C1orf94: variants seen among roughly 807,000 people sequenced by gnomAD.
C1orf94 encodes chromosome 1 open reading frame 94, also known as uncharacterized protein C1orf94.
A neutral mutation model predicts 53.6 loss-of-function variants in C1orf94; 45 were observed. The observed-to-expected ratio is 0.84, with a 90% CI of 0.66 to 1.08. The LOEUF is 1.08. Ranked by LOEUF, C1orf94 falls within the 50% of genes least tolerant of loss-of-function variation. The probability of loss-of-function intolerance (pLI) is 0.00; values close to 1 mark genes in which losing one functional copy is unlikely to be tolerated. For missense variants in C1orf94, 762 were observed against 738.9 expected (o/e 1.03, Z -0.36); for synonymous variants, 304 against 296.1 (o/e 1.03, Z -0.27).
chr1:34,176,922 G>A lies in C1orf94; in HGVS notation c.-868G>A, dbSNP rs1477035421. Among the ~76,000 whole-genome samples the A allele has an allele frequency of 6.7e-6, 1 of 149,940 alleles. No individual in the cohort carries two copies. Among genetic ancestry groups the A allele is most frequent in the Non-Finnish European group, 1.5e-5 (1 of 67,364 alleles). On this transcript the variant is annotated 5_prime_UTR_variant, in exon 1 of 7. Coordinates refer to ENST00000488417, the MANE Select transcript of C1orf94 (RefSeq NM_001134734.2). ...AGGGCGCCCCGCGCACCGAGCCGTT[G>A]CGTTTGAAACCCACAGAAAGAATTC... is the stretch of plus-strand genomic sequence containing the variant.
chr1:34,197,463 C>T lies in C1orf94; in HGVS notation c.559C>T (p.Gln187Ter), dbSNP rs754696659. The change falls in exon 2 of 7, where the codon CAG (glutamine) becomes TAG (stop). Residue 187 changes from glutamine (Q) to a stop codon, truncating the protein, a stop_gained. Coordinates refer to ENST00000488417, the MANE Select transcript of C1orf94 (RefSeq NM_001134734.2). LOFTEE classifies it high-confidence loss of function. This position sits in a 1 kb window ranked among gnomAD's most constrained non-coding sequence, Gnocchi z 4.1. ...CATTGTCGGAGACAAGCTTCTGAAG[C>T]AGAAGGTGGCCATGCCCGTTATCAG... ...SIIVGDKLLK[Q>*]KVAMPVISSR... is the part of the protein sequence containing the mutation. The T allele has an allele frequency of 6.2e-7, 1 of 1,614,082 alleles. No individual in the cohort carries two copies. The highest frequency in any genetic ancestry group is 2.2e-5 in the East Asian group (1 of 44,864).
intron 2 of C1orf94, among the ~76,000 whole-genome samples, chr1:34,198,259 G>A (rs997824794): frequency 6.6e-6 from 1 of 152,232 alleles, no homozygotes; most frequent in African/African-American, 2.4e-5. Flanking sequence ...TGGGTTCAGG[G>A]TGAAACTACA....
intron 1 of C1orf94, among the ~76,000 whole-genome samples, chr1:34,184,238 C>A (rs1247661756): frequency 6.6e-6 from 1 of 152,166 alleles, no homozygotes; most frequent in East Asian, 1.9e-4. Context: ...TGTCCCCCAG[C>A]TAGGTCTTGA....
intron 6 of C1orf94, among the ~76,000 whole-genome samples, chr1:34,216,159 T>C (rs539111697): frequency 2.3e-4 from 35 of 152,108 alleles, no homozygotes; most frequent in African/African-American, 6.5e-4. Context: ...TATGGATAGG[T>C]AGGTGCATAT....
chr1:34,191,012 T>C (rs1446573104), intron 1 of C1orf94, among the ~76,000 whole-genome samples: 1 of 152,178 alleles, frequency 6.6e-6, no homozygotes, highest in Admixed American at 6.5e-5. Context: ...TAGGTCTGGA[T>C]TGGCTGACAC....
Position 34,212,675 on chromosome 1 carries a change from AC to A in C1orf94, c.1721+273del, listed in dbSNP as rs370161255. Among the ~76,000 whole-genome samples, 442 of 152,188 alleles carry A rather than the reference AC, an allele frequency of 2.9e-3. 1 individual carries two copies. The highest frequency in any genetic ancestry group is 9.1e-3 in the African/African-American group (377 of 41,512). On this transcript the variant is annotated intron_variant, in intron 6 of 6. Coordinates refer to ENST00000488417, the MANE Select transcript of C1orf94 (RefSeq NM_001134734.2). ...ACTGCACGGTCCATAACATATGGAT[AC>A]CCCTACTCCATAGGCAGGGGCAGTT...
Position 34,218,816 on chromosome 1 carries a change from G to T in C1orf94, c.*55G>T. On this transcript the variant is annotated 3_prime_UTR_variant, in exon 7 of 7. Transcript: ENST00000488417. ...CCCTTGGATCAGGACTAGGGGCTCT[G>T]ATTTTTGGATTCTGCAAAAGCTTGG... The T allele has an allele frequency of 6.9e-7, 1 of 1,459,410 alleles. No individual in the cohort carries two copies. The allele number at this position is 1,459,410 out of a possible 1,614,324, so 90.4% of individuals were successfully genotyped here.
chr1:34,167,404 A>G (rs1201869062), intron 1 of C1orf94, among the ~76,000 whole-genome samples: 1 of 152,188 alleles, frequency 6.6e-6, no homozygotes, highest in East Asian at 1.9e-4. Flanking sequence ...CCCTCTTCTC[A>G]GCTCCAGAAC....
intron 1 of C1orf94, among the ~76,000 whole-genome samples, chr1:34,179,002 A>T (rs1642274079): frequency 2.6e-5 from 4 of 152,186 alleles, no homozygotes; most frequent in Non-Finnish European, 5.9e-5. Context: ...ACTAACCGAT[A>T]ATTAAGTGTT....
At chr1:34,172,927 T>A (rs1642168964), upstream of C1orf94, among the ~76,000 whole-genome samples, 1 of 152,212 alleles carries the variant, frequency 6.6e-6, no homozygotes, top group African/African-American at 2.4e-5. Context: ...GTTTGACCCA[T>A]TGAGCATTAT....
chr1:34,189,048 T>C (rs927974980), intron 1 of C1orf94, among the ~76,000 whole-genome samples: 1 of 152,062 alleles, frequency 6.6e-6, no homozygotes, highest in African/African-American at 2.4e-5. Context: ...TGTGTGTATG[T>C]GCATGGGTGT....
chr1:34,175,839 C>T (rs932980414), upstream of C1orf94, among the ~76,000 whole-genome samples: 2 of 152,024 alleles, frequency 1.3e-5, no homozygotes, highest in Non-Finnish European at 2.9e-5. Context: ...TATTGCCTCC[C>T]CTCTTCTCCC....
intron 1 of C1orf94, among the ~76,000 whole-genome samples, chr1:34,192,244 A>G (rs1642506648): frequency 6.6e-6 from 1 of 152,222 alleles, no homozygotes; most frequent in Non-Finnish European, 1.5e-5. Context: ...GGTGCCCACA[A>G]AATCTTTCTG....
chr1:34,211,400 C>T (rs1001354464), intron 5 of C1orf94, among the ~76,000 whole-genome samples: 9 of 152,062 alleles, frequency 5.9e-5, no homozygotes, highest in Non-Finnish European at 1.0e-4. Context: ...TCTGACTTGT[C>T]GCGGCAAGAT....
Position 34,197,825 on chromosome 1 carries a change from C to G in C1orf94, c.921C>G (p.Leu307=), listed in dbSNP as rs763509116. ...PPARPDKLPE[L]PAQKRQLPVF... ...CACGTCCTGACAAGCTCCCTGAGCT[C>G]CCTGCTCAGAAGAGGCAGCTCCCAG... is the stretch of plus-strand genomic sequence containing the variant. The change falls in exon 2 of 7, where the codon CTC becomes CTG. Residue 307 remains leucine (L), a synonymous_variant. Transcript: ENST00000488417. The surrounding 1 kb of genome is among the most constrained non-coding windows in gnomAD (Gnocchi z 4.1). 6.2e-7 allele frequency: 1 copy of G among 1,614,206 alleles called. No homozygotes were observed.
intron 1 of C1orf94, among the ~76,000 whole-genome samples, chr1:34,195,213 A>G (rs1321067831): frequency 6.6e-6 from 1 of 152,170 alleles, no homozygotes; most frequent in African/African-American, 2.4e-5. Context: ...CACACTAGCT[A>G]ATGCTCACAG....
chr1:34,218,545 C>T (rs1643026931), intron 6 of C1orf94, 141 bp from the exon 7 acceptor site: 1 of 515,878 alleles, frequency 1.9e-6, no homozygotes, highest in Non-Finnish European at 3.2e-6. Context: ...CAAAGCCTTT[C>T]TTATGCCAAA....
chr1:34,212,467 G>A, intron 6 of C1orf94, 61 bp downstream of exon 6: 1 of 1,515,576 alleles, frequency 6.6e-7, no homozygotes, highest in Non-Finnish European at 8.9e-7. Context: ...ACGGGGGCAA[G>A]TTGGGTGGGC....
rs867183284 is a variant in C1orf94, at chr1:34,215,274, A to T, written c.1721+2868A>T. Among the ~76,000 whole-genome samples the T allele has an allele frequency of 4.6e-5, 7 of 152,234 alleles. No individual in the cohort carries two copies. In the South Asian group the frequency reaches 6.2e-4, roughly 14 times the overall value. On this transcript the variant is annotated intron_variant, in intron 6 of 6. Coordinates refer to ENST00000488417, the MANE Select transcript of C1orf94 (RefSeq NM_001134734.2). ...GTGGGAACCTGTGGCTGCAGCACAA[A>T]CAGTGAGGGAGGGAGTGCATGGAAT...
Sources: gnomAD v4.1 joint callset for allele counts (sites outside exome capture counted in the v4.1 genomes callset) on GRCh38, gnomAD v4.1.1 for gene constraint, Gnocchi (gnomAD v3.1) non-coding constraint, MANE v1.5 for transcripts, NCBI Gene and HGNC (gene_info 2026-07-23, HGNC 2026-07-21) for gene names.